The following CDH11 variants were observed in gnomAD, a reference collection of about 807,000 sequenced individuals.
CDH11 encodes the protein cadherin 11.
CDH11 carries 11 observed loss-of-function variants against 67.8 expected under a neutral mutation model. The observed-to-expected ratio is 0.16, with a 90% CI of 0.10 to 0.27. CDH11 has a LOEUF of 0.27. Among genes scored for constraint, CDH11 ranks in the 10% least tolerant of loss-of-function variants. CDH11 has a pLI of 1.00. For synonymous variants in CDH11, 419 were observed against 400.0 expected, an observed-to-expected ratio of 1.05 and a Z score of -0.57; for missense variants, 847 against 1,031.2, an observed-to-expected ratio of 0.82 and a Z score of 2.45.
chr16:65,043,612 G>A (rs1383004150), intron 2 of CDH11, among the ~76,000 whole-genome samples: 1 of 152,182 alleles, frequency 6.6e-6, no homozygotes, highest in Non-Finnish European at 1.5e-5. Flanking sequence ...GAAGTCACCT[G>A]CCAAGAGCAT....
chr16:65,088,887 G>A (rs2142824353), intron 1 of CDH11, among the ~76,000 whole-genome samples: 1 of 152,216 alleles, frequency 6.6e-6, no homozygotes, highest in East Asian at 1.9e-4. Context: ...GTATTAGAGT[G>A]CTCATCTCAT....
At chr16:65,031,059 G>A (rs1357697006) in intron 2 of CDH11, among the ~76,000 whole-genome samples, 2 of 152,190 alleles carry the variant, frequency 1.3e-5, no homozygotes, top group African/African-American at 4.8e-5. Context: ...TTCATCCTCT[G>A]AGTTGATACA....
intron 6 of CDH11, among the ~76,000 whole-genome samples, chr16:64,989,204 T>G (rs1292569350): frequency 6.6e-6 from 1 of 151,970 alleles, no homozygotes; most frequent in African/African-American, 2.4e-5. Context: ...GTTGTGGGTG[T>G]GTAAGTGCAT....
intron 11 of CDH11, among the ~76,000 whole-genome samples, chr16:64,963,486 G>A (rs1188623345): frequency 2.6e-5 from 4 of 152,126 alleles, no homozygotes; most frequent in African/African-American, 9.7e-5. Flanking sequence ...ATATATATGT[G>A]ATGATAATAC....
chr16:65,034,638 G>A (rs761876551), intron 2 of CDH11, among the ~76,000 whole-genome samples: 2 of 152,138 alleles, frequency 1.3e-5, no homozygotes, highest in African/African-American at 4.8e-5. Flanking sequence ...TTGAAGTGCC[G>A]AACACTATGT....
chr16:64,982,238 C>G lies in CDH11; in HGVS notation c.1063G>C (p.Asp355His), dbSNP rs747102834. Reference sequence around the variant, plus strand: ...GGGCCATTGCTGATAAACTTCGGGTCGATGTGCACGTTGGCTGCCTCTACC... The same window carrying G: ...GGGCCATTGCTGATAAACTTCGGGTGGATGTGCACGTTGGCTGCCTCTACC... Reference protein sequence around the residue: ...LKVEAANVHIDPKFISNGPFK... With the variant: ...LKVEAANVHIHPKFISNGPFK... The change falls in exon 8 of 13, where the codon GAC (aspartate) becomes CAC (histidine). Residue 355 changes from aspartate (D) to histidine (H), a missense_variant. By Grantham distance (81) the Asp-to-His change is moderately conservative. Coordinates refer to ENST00000268603, the MANE Select transcript of CDH11 (RefSeq NM_001797.4). The G allele has an allele frequency of 3.1e-6, 5 of 1,613,514 alleles. No homozygotes were observed. The South Asian group carries it at 3.3e-5, about 11-fold the overall frequency.
intron 1 of CDH11, chr16:65,059,828 T>C (rs1189166667): frequency 1.3e-5 from 2 of 152,330 alleles, no homozygotes; most frequent in South Asian, 2.1e-4. Context: ...AGAAGGGCTA[T>C]TGGGAGCAGA....
intron 2 of CDH11, among the ~76,000 whole-genome samples, chr16:65,005,499 G>A (rs2073033862): frequency 6.6e-6 from 1 of 152,172 alleles, no homozygotes; most frequent in South Asian, 2.1e-4. Context: ...CCATGCAGAA[G>A]GAACATCACA....
chr16:65,056,690 G>C (rs927213343), intron 1 of CDH11, among the ~76,000 whole-genome samples: 2 of 152,142 alleles, frequency 1.3e-5, no homozygotes, highest in African/African-American at 4.8e-5. Flanking sequence ...CCCAGGGTAT[G>C]GTTGGAATCC....
At chr16:65,047,317 G>T (rs1214785416) in intron 2 of CDH11, among the ~76,000 whole-genome samples, 2 of 151,974 alleles carry the variant, frequency 1.3e-5, no homozygotes, top group Non-Finnish European at 2.9e-5. Flanking sequence ...TTAATTCTCT[G>T]TAGACTCTTT....
chr16:65,009,881 C>T (rs1306702637), intron 2 of CDH11, among the ~76,000 whole-genome samples: 1 of 152,178 alleles, frequency 6.6e-6, no homozygotes, highest in Non-Finnish European at 1.5e-5. Flanking sequence ...ACCCCTCTAT[C>T]TTGAGAGCAG....
intron 1 of CDH11, among the ~76,000 whole-genome samples, chr16:65,068,621 C>T (rs1263929947): frequency 6.6e-6 from 1 of 152,154 alleles, no homozygotes; most frequent in Admixed American, 6.5e-5. Flanking sequence ...TCGCCCAAAA[C>T]CCTGTAACCT....
At chr16:64,978,472 A>G (rs533253042) in intron 8 of CDH11, among the ~76,000 whole-genome samples, 1 of 152,374 alleles carries the variant, frequency 6.6e-6, no homozygotes, top group African/African-American at 2.4e-5. Context: ...ATATAACATT[A>G]TCTACAAAAA....
intron 2 of CDH11, among the ~76,000 whole-genome samples, chr16:65,032,682 A>G (rs1300575044): frequency 6.6e-6 from 1 of 152,204 alleles, no homozygotes; most frequent in Non-Finnish European, 1.5e-5. Flanking sequence ...CTTTGCAAAA[A>G]AAGAAAATTA....
At chr16:64,948,817 G>C in intron 12 of CDH11, 1 of 1,461,874 alleles carries the variant, frequency 6.8e-7, no homozygotes, top group Non-Finnish European at 9.3e-7. Flanking sequence ...TCATTTATAA[G>C]GAAAGTTCAG....
chr16:65,099,587 T>C (rs925526948), intron 1 of CDH11, among the ~76,000 whole-genome samples: 15 of 152,212 alleles, frequency 9.9e-5, no homozygotes, highest in Admixed American at 9.8e-4. Context: ...GTGGTTATTG[T>C]GTCTTTGTTA....
chr16:65,011,064 GTGTATATAT>G (rs1381396839), intron 2 of CDH11, among the ~76,000 whole-genome samples: 5 of 119,948 alleles, frequency 4.2e-5, no homozygotes, highest in African/African-American at 1.4e-4. Context: ...TATATATCAT[GTGTATATAT>G]GTATATATAC....
chr16:64,968,540 T>C (rs1468154184), intron 11 of CDH11: 1 of 985,296 alleles, frequency 1.0e-6, no homozygotes, highest in Non-Finnish European at 1.2e-6. Flanking sequence ...TCTATTTTCC[T>C]GCTGCCTGCT....
At chr16:65,067,747 G>A (rs1489149789) in intron 1 of CDH11, among the ~76,000 whole-genome samples, 4 of 146,972 alleles carry the variant, frequency 2.7e-5, no homozygotes, top group Non-Finnish European at 4.5e-5. Flanking sequence ...AGAAAGGGAG[G>A]AAGGGAGGGA....
Sources: allele counts gnomAD v4.1 joint callset (sites outside exome capture counted in the v4.1 genomes callset), GRCh38; gene constraint gnomAD v4.1.1; transcripts MANE v1.5; gene names NCBI Gene and HGNC (gene_info 2026-07-23, HGNC 2026-07-21).